The following ATP2B2 variants were observed in gnomAD, a reference collection of about 807,000 sequenced individuals.
ATP2B2 encodes the protein plasma membrane calcium-transporting ATPase 2.
A neutral mutation model predicts 120.0 loss-of-function variants in ATP2B2; 15 were observed. That is an observed-to-expected ratio of 0.12 (90% CI 0.08 to 0.19). The LOEUF (loss-of-function observed/expected upper bound fraction) is 0.19, where lower values mean the gene tolerates loss of function less well. Among genes scored for constraint, ATP2B2 ranks in the 10% least tolerant of loss-of-function variants. ATP2B2 has a pLI of 1.00. For missense variants in ATP2B2, 1,045 were observed against 1,719.8 expected (o/e 0.61, Z 6.94); for synonymous variants, 694 against 700.3 (o/e 0.99, Z 0.14).
At chr3:10,504,543 G>A (rs1026412016) in intron 1 of ATP2B2, among the ~76,000 whole-genome samples, 18 of 150,552 alleles carry the variant, frequency 1.2e-4, no homozygotes, top group Non-Finnish European at 2.5e-4. Flanking sequence ...TGCCTGATTG[G>A]GGCAGGCCAG....
intron 1 of ATP2B2, among the ~76,000 whole-genome samples, chr3:10,637,837 C>A (rs1168595155): frequency 6.6e-6 from 1 of 151,720 alleles, no homozygotes; most frequent in East Asian, 1.9e-4. Context: ...AAAGCAACAC[C>A]AAGGCACATC....
chr3:10,690,468 C>A (rs1450105081), intron 1 of ATP2B2, among the ~76,000 whole-genome samples: 2 of 151,696 alleles, frequency 1.3e-5, no homozygotes, highest in Non-Finnish European at 2.9e-5. Flanking sequence ...ATCTATCTAT[C>A]TATCTATCTA....
chr3:10,699,454 AT>A (rs1190094492), intron 1 of ATP2B2, among the ~76,000 whole-genome samples: 15 of 152,362 alleles, frequency 9.8e-5, no homozygotes, highest in African/African-American at 3.4e-4. Flanking sequence ...CAGAATATCT[AT>A]TTATCTATCA....
At chr3:10,518,049 G>A (rs975828887) in intron 3 of ATP2B2, among the ~76,000 whole-genome samples, 1 of 152,174 alleles carries the variant, frequency 6.6e-6, no homozygotes, top group African/African-American at 2.4e-5. Flanking sequence ...GGTGGGGTTG[G>A]GGTGGGGAGG....
Position 10,356,964 on chromosome 3 carries a change from TGAGAGAGAGA to T in ATP2B2, c.2136+1717_2136+1726del, listed in dbSNP as rs4040764. 1.8e-3 allele frequency among the ~76,000 whole-genome samples: 260 copies of T among 144,458 alleles called. 2 individuals carry two copies. The highest frequency in any genetic ancestry group is 0.011 in the East Asian group (54 of 4,920). The allele number at this position is 144,458 out of a possible 152,430, so 94.8% of individuals were successfully genotyped here. On this transcript the variant is annotated intron_variant, in intron 14 of 22. Coordinates refer to ENST00000360273, the MANE Select transcript of ATP2B2 (RefSeq NM_001001331.4). ...CACCCCCAAGGAGGGTGTGTGTGTA[TGAGAGAGAGA>T]GAGAGAGAGAGAGAGAGAGAGAGGA...
At chr3:10,382,707 T>C (rs2061566527) in intron 8 of ATP2B2, among the ~76,000 whole-genome samples, 1 of 152,116 alleles carries the variant, frequency 6.6e-6, no homozygotes, top group Admixed American at 6.5e-5. Flanking sequence ...GGTCATGTAT[T>C]ACATAGTGAC....
intron 2 of ATP2B2, among the ~76,000 whole-genome samples, chr3:10,576,986 G>A (rs566981888): frequency 2.4e-4 from 36 of 150,606 alleles, no homozygotes; most frequent in Admixed American, 2.3e-3. Context: ...CCTGGGAGGC[G>A]GAGGTTGCAG....
At chr3:10,681,624 T>C (rs143551575) in intron 1 of ATP2B2, among the ~76,000 whole-genome samples, 13 of 152,350 alleles carry the variant, frequency 8.5e-5, no homozygotes, top group African/African-American at 2.2e-4. Context: ...ACAGGTAACA[T>C]TGACTAAGCA....
intron 1 of ATP2B2, among the ~76,000 whole-genome samples, chr3:10,631,097 C>T (rs768448540): frequency 6.6e-6 from 1 of 152,226 alleles, no homozygotes; most frequent in Admixed American, 6.5e-5. Context: ...GTTACTTACT[C>T]TGTGTGTTTC....
At position 10,691,002 on chromosome 3, in the gene ATP2B2, A is replaced by G. The variant is rs79989339; in HGVS notation, c.-460+16913T>C. 4.6e-3 allele frequency among the ~76,000 whole-genome samples: 703 copies of G among 152,346 alleles called. 4 individuals carry two copies. The highest frequency in any genetic ancestry group is 0.016 in the African/African-American group (661 of 41,570). On this transcript the variant is annotated intron_variant, in intron 1 of 21. Coordinates refer to the ATP2B2 transcript ENST00000646379. ...CAAGTATTTGCTGTTTCTTTATTGA[A>G]TTGCTTATCTGTGTGGAAGGCACTT...
At chr3:10,335,715 C>T (rs1399081998) in intron 22 of ATP2B2, among the ~76,000 whole-genome samples, 1 of 152,234 alleles carries the variant, frequency 6.6e-6, no homozygotes. Flanking sequence ...CCAACTCCAA[C>T]CCTTGCCTTG....
In ATP2B2 at chr3:10,350,532, G is replaced by A. The variant is rs754680596; in HGVS notation, c.2182C>T (p.Arg728Cys). The A allele has an allele frequency of 3.7e-6, 6 of 1,614,084 alleles. No homozygotes were observed. Among genetic ancestry groups the A allele is most frequent in the Admixed American group, 1.7e-5 (1 of 60,032 alleles). ...RKCQRAGITV[R>C]MVTGDNINTA... is the part of the protein sequence containing the mutation. ...TTGATATTGTCGCCAGTGACCATGC[G>A]GACCGTGATGCCTGCCCGCTGGCAC... is the stretch of plus-strand genomic sequence containing the variant. Residue 728 changes from arginine (R) to cysteine (C), a missense_variant, in exon 15 of 23, where the codon CGC becomes TGC. By Grantham distance (180) the Arg-to-Cys change is radical. Coordinates refer to ENST00000360273, the MANE Select transcript of ATP2B2 (RefSeq NM_001001331.4).
chr3:10,581,045 CCCTA>C (rs1411409696), intron 2 of ATP2B2, among the ~76,000 whole-genome samples: 9 of 152,282 alleles, frequency 5.9e-5, no homozygotes, highest in Non-Finnish European at 1.0e-4. Context: ...TTCACAACAA[CCCTA>C]CAGGAGCTTG....
At chr3:10,423,474 C>T (rs1237983284) in intron 2 of ATP2B2, among the ~76,000 whole-genome samples, 1 of 152,200 alleles carries the variant, frequency 6.6e-6, no homozygotes, top group Non-Finnish European at 1.5e-5. Context: ...TTGAATGGAG[C>T]CTTACTACAC....
intron 1 of ATP2B2, among the ~76,000 whole-genome samples, chr3:10,488,972 C>G (rs2065835105): frequency 6.6e-6 from 1 of 152,190 alleles, no homozygotes. Context: ...GTGATCCTGG[C>G]CCCCAACTTG....
chr3:10,607,537 A>C (rs2069119731), intron 2 of ATP2B2, among the ~76,000 whole-genome samples: 1 of 152,206 alleles, frequency 6.6e-6, no homozygotes, highest in African/African-American at 2.4e-5. Flanking sequence ...CACCCTGGCC[A>C]GGACACAGAA....
At chr3:10,385,117 C>T (rs948316324) in intron 8 of ATP2B2, 151 bp downstream of exon 8, 74 of 792,334 alleles carry the variant, frequency 9.3e-5, no homozygotes, top group Non-Finnish European at 1.5e-4. Flanking sequence ...CTGTCTTAAG[C>T]GCCTGCCCCA....
chr3:10,509,525 C>T (rs906636843), upstream of ATP2B2, among the ~76,000 whole-genome samples: 1 of 152,218 alleles, frequency 6.6e-6, no homozygotes, highest in Non-Finnish European at 1.5e-5. Context: ...CTGGAGACCA[C>T]AGGGCCTTAC....
At position 10,627,376 on chromosome 3, in the gene ATP2B2, C is replaced by T. The variant is rs142538682; in HGVS notation, c.-459-7415G>A. Reference sequence around the variant, plus strand: ...TGACATGAGGTCAAGGCCTCAGTACCCTAAGGGATGCCTCCCTTCATATAT... The same window carrying T: ...TGACATGAGGTCAAGGCCTCAGTACTCTAAGGGATGCCTCCCTTCATATAT... On this transcript the variant is annotated intron_variant, in intron 1 of 21. Transcript: ENST00000646379. Among the ~76,000 whole-genome samples the T allele has an allele frequency of 7.3e-3, 1,107 of 152,290 alleles. 2 individuals are homozygous for T. The highest frequency in any genetic ancestry group is 0.011 in the Non-Finnish European group (726 of 68,022).
Sources: allele counts gnomAD v4.1 joint callset (sites outside exome capture counted in the v4.1 genomes callset), GRCh38; gene constraint gnomAD v4.1.1; transcripts MANE v1.5; gene names NCBI Gene and HGNC (gene_info 2026-07-23, HGNC 2026-07-21).